GPR137: variants seen among roughly 807,000 people sequenced by gnomAD.
GPR137 encodes the protein integral membrane protein GPR137.
A neutral mutation model predicts 38.9 loss-of-function variants in GPR137; 20 were observed. The observed-to-expected ratio is 0.51, with a 90% CI of 0.36 to 0.75. GPR137 has a LOEUF of 0.75. Among genes scored for constraint, GPR137 ranks in the 30% least tolerant of loss-of-function variants. The probability of loss-of-function intolerance (pLI) is 0.00; values close to 1 mark genes in which losing one functional copy is unlikely to be tolerated. For synonymous variants in GPR137, 226 were observed against 235.8 expected, an observed-to-expected ratio of 0.96 and a Z score of 0.38; for missense variants, 456 against 526.4, an observed-to-expected ratio of 0.87 and a Z score of 1.31.
upstream of GPR137, among the ~76,000 whole-genome samples, chr11:64,282,737 G>A (rs746405581): frequency 2.2e-4 from 33 of 151,884 alleles, no homozygotes; most frequent in Admixed American, 8.5e-4. Context: ...AAATTAGCCC[G>A]GCATGGTGAC....
upstream of GPR137, among the ~76,000 whole-genome samples, chr11:64,275,291 G>T (rs777084274): frequency 6.6e-6 from 1 of 152,148 alleles, no homozygotes; most frequent in African/African-American, 2.4e-5. Context: ...GGAGAGCCGG[G>T]AACAGAAGGG....
chr11:64,275,352 G>A (rs571593370), upstream of GPR137, among the ~76,000 whole-genome samples: 19 of 152,174 alleles, frequency 1.2e-4, 1 homozygote, highest in Non-Finnish European at 2.5e-4. Context: ...TCTGTGGTGC[G>A]GTGACTGTGG....
upstream of GPR137, among the ~76,000 whole-genome samples, chr11:64,282,242 G>A (rs536479617): frequency 1.3e-5 from 2 of 152,130 alleles, no homozygotes; most frequent in East Asian, 3.9e-4. Flanking sequence ...GAGTGTGTGT[G>A]GGGGGCAGAG....
upstream of GPR137, chr11:64,271,534 C>T: frequency 7.5e-7 from 1 of 1,331,460 alleles, no homozygotes; most frequent in Non-Finnish European, 9.7e-7. Flanking sequence ...TCCGGGCGTG[C>T]CTTGGGACAA....
chr11:64,289,300 G>C lies in GPR137; in HGVS notation c.*104G>C, dbSNP rs553703869. ...TCTTGCCCAGGATCCTGGGGGTCGT[G>C]GCTACCCCCTCCTCTGGCCGGCTCC... is the stretch of plus-strand genomic sequence containing the variant. On this transcript the variant is annotated 3_prime_UTR_variant, in exon 7 of 7. Transcript: ENST00000438980. The C allele has an allele frequency of 6.2e-7, 1 of 1,613,016 alleles. No homozygotes were observed. Among genetic ancestry groups the C allele is most frequent in the African/African-American group, 1.3e-5 (1 of 74,958 alleles).
upstream of GPR137, among the ~76,000 whole-genome samples, chr11:64,273,855 C>CAAAAAAAAA (rs34577596): frequency 5.5e-5 from 3 of 54,834 alleles, no homozygotes; most frequent in Admixed American, 2.8e-4. Flanking sequence ...GCACCCATCT[C>CAAAAAAAAA]AAAAAAAAAA....
intron 2 of GPR137, chr11:64,287,344 T>G: frequency 1.0e-6 from 1 of 974,450 alleles, no homozygotes; most frequent in African/African-American, 1.8e-5. Context: ...CCCTCGTCAT[T>G]TGTACAGTGT....
At position 64,285,850 on chromosome 11, in the gene GPR137, A is replaced by G; in HGVS notation, c.-675A>G. 1 of 984,240 alleles carries G rather than the reference A, an allele frequency of 1.0e-6. No individual in the cohort carries two copies. The highest frequency in any genetic ancestry group is 1.2e-6 in the Non-Finnish European group (1 of 829,088). 61.0% of individuals were successfully genotyped at this position (984,240 alleles called of 1,614,324 possible). The stretch of plus-strand genomic sequence containing the variant: ...CAGGCGCGGAGGGGGAGGGGGGCGG[A>G]GCAGCGGGAGCCGGGGAGCCGGAGC... On this transcript the variant is annotated 5_prime_UTR_variant, in exon 1 of 7. Transcript: ENST00000438980.
chr11:64,282,240 G>A (rs1167468411), upstream of GPR137, among the ~76,000 whole-genome samples: 1 of 152,164 alleles, frequency 6.6e-6, no homozygotes, highest in Non-Finnish European at 1.5e-5. Context: ...CTGAGTGTGT[G>A]TGGGGGGCAG....
chr11:64,286,263 C>G lies in GPR137; in HGVS notation c.-262C>G. 1 of 1,324,534 alleles carries G rather than the reference C, an allele frequency of 7.5e-7. No homozygotes were observed. Among genetic ancestry groups the G allele is most frequent in the East Asian group, 2.9e-5 (1 of 34,238 alleles). 82.0% of individuals were successfully genotyped at this position (1,324,534 alleles called of 1,614,324 possible). On this transcript the variant is annotated 5_prime_UTR_variant, in exon 1 of 7. Transcript: ENST00000438980. ...GGCCCAGGGAGGAGACACCCCCAAC[C>G]CCTATCCGGTCTGTCCTGGAGAAAA...
chr11:64,271,533 G>C, upstream of GPR137: 1 of 1,326,750 alleles, frequency 7.5e-7, no homozygotes, highest in African/African-American at 1.5e-5. Flanking sequence ...ATCCGGGCGT[G>C]CCTTGGGACA....
upstream of GPR137, chr11:64,285,602 A>G: frequency 2.0e-6 from 2 of 983,954 alleles, no homozygotes; most frequent in Non-Finnish European, 2.4e-6. Flanking sequence ...GCGGACCCCC[A>G]TACAAGTAAA....
upstream of GPR137, chr11:64,284,845 C>A: frequency 2.7e-6 from 4 of 1,505,946 alleles, no homozygotes; most frequent in Non-Finnish European, 3.5e-6. Flanking sequence ...CCTTTTTCCT[C>A]CCTCCTTCGG....
chr11:64,278,954 G>A (rs2033246938), intron 2 of GPR137, among the ~76,000 whole-genome samples: 1 of 152,170 alleles, frequency 6.6e-6, no homozygotes, highest in African/African-American at 2.4e-5. Flanking sequence ...AAATCAAAAG[G>A]TTAAGAAATC....
chr11:64,288,978 G>A lies in GPR137; in HGVS notation c.1032-59G>A. 1 of 1,468,834 alleles carries A rather than the reference G, an allele frequency of 6.8e-7. No homozygotes were observed. Among genetic ancestry groups the A allele is most frequent in the South Asian group, 1.4e-5 (1 of 72,928 alleles). The allele number at this position is 1,468,834 out of a possible 1,614,324, so 91.0% of individuals were successfully genotyped here. On this transcript the variant is annotated intron_variant, in intron 6 of 6. Transcript: ENST00000438980. This position sits in a 1 kb window ranked among gnomAD's most constrained non-coding sequence, Gnocchi z 5.5. ...GTTCTAAGCCTGTCTTCCTCCTGCA[G>A]CTCTTGTGACTGTGGCCCTGGTCAC... is the stretch of plus-strand genomic sequence containing the variant.
Position 64,289,190 on chromosome 11 carries a change from G to A in GPR137, c.1185G>A (p.Gln395=). 1 of 1,613,248 alleles carries A rather than the reference G, an allele frequency of 6.2e-7. No individual in the cohort carries two copies. The highest frequency in any genetic ancestry group is 8.5e-7 in the Non-Finnish European group (1 of 1,179,454). The change falls in exon 7 of 7, where the codon CAG becomes CAA. Residue 395 remains glutamine, a synonymous_variant. Transcript: ENST00000438980. ...GHHHSLYSTP[Q]T The stretch of plus-strand genomic sequence containing the variant: ...ACCACAGTCTCTACTCCACCCCACA[G>A]ACGTGATCCCCCTCCCTCCCCCACA...
At chr11:64,284,063 G>T, upstream of GPR137, 2 of 1,223,158 alleles carry the variant, frequency 1.6e-6, no homozygotes, top group Non-Finnish European at 2.2e-6. Context: ...GGAAACTGGG[G>T]CTCTGAGAGT....
Position 64,286,454 on chromosome 11 carries a change from G to T in GPR137, c.-71G>T. 6.5e-7 allele frequency: 1 copy of T among 1,545,492 alleles called. No individual in the cohort carries two copies. The highest frequency in any genetic ancestry group is 8.7e-7 in the Non-Finnish European group (1 of 1,145,418). On this transcript the variant is annotated 5_prime_UTR_variant, in exon 1 of 7. Coordinates refer to ENST00000438980, the MANE Select transcript of GPR137 (RefSeq NM_001170880.2). ...TGCACCCTGCAATTCCCACCCCTCC[G>T]TATTTATTTCCCTGGTCCCGCCGAC...
upstream of GPR137, chr11:64,271,733 C>A (rs777345859): frequency 2.0e-5 from 29 of 1,449,552 alleles, no homozygotes; most frequent in Non-Finnish European, 2.6e-5. Flanking sequence ...GCTCCTCCCC[C>A]ATCCCTTCGT....
Sources: gnomAD v4.1 joint callset for allele counts (sites outside exome capture counted in the v4.1 genomes callset) on GRCh38, gnomAD v4.1.1 for gene constraint, Gnocchi (gnomAD v3.1) non-coding constraint, MANE v1.5 for transcripts, NCBI Gene and HGNC (gene_info 2026-07-23, HGNC 2026-07-21) for gene names.